SIRPA: variants seen among roughly 807,000 people sequenced by gnomAD.
The protein encoded by SIRPA is tyrosine-protein phosphatase non-receptor type substrate 1.
In SIRPA, 9 loss-of-function variants were observed where a neutral mutation model predicts 50.3. That is an observed-to-expected ratio of 0.18 (90% CI 0.11 to 0.31). The LOEUF is 0.31. Among genes scored for constraint, SIRPA ranks in the 10% least tolerant of loss-of-function variants. SIRPA has a pLI of 1.00. For synonymous variants in SIRPA, 265 were observed against 284.1 expected, an observed-to-expected ratio of 0.93 and a Z score of 0.68; for missense variants, 474 against 661.6, an observed-to-expected ratio of 0.72 and a Z score of 3.11.
rs776147774 is a variant in SIRPA at position 1,936,431 on chromosome 20, C to T, written c.1267-889C>T. ...CTGGCAGTAGACACTATTATCATCC[C>T]CTCTTTACAGATGGAGAAACTGAGG... On this transcript the variant is annotated intron_variant, in intron 7 of 7. Coordinates refer to ENST00000358771, the MANE Select transcript of SIRPA (RefSeq NM_001040023.2). This position sits in a 1 kb window ranked among gnomAD's most constrained non-coding sequence, Gnocchi z 4.2. Among the ~76,000 whole-genome samples, 1 of 152,178 alleles carries T rather than the reference C, an allele frequency of 6.6e-6. No homozygotes were observed. Among genetic ancestry groups the T allele is most frequent in the Non-Finnish European group, 1.5e-5 (1 of 68,032 alleles).
chr20:1,905,828 C>T (rs949400030), intron 1 of SIRPA, among the ~76,000 whole-genome samples: 1 of 152,244 alleles, frequency 6.6e-6, no homozygotes, highest in African/African-American at 2.4e-5. Context: ...TTCATCACCT[C>T]CAGGTTTCAT....
intron 2 of SIRPA, among the ~76,000 whole-genome samples, chr20:1,916,299 G>T (rs1985291078): frequency 6.6e-6 from 1 of 152,192 alleles, no homozygotes; most frequent in Admixed American, 6.5e-5. Context: ...AGGACCCTCA[G>T]ACCATCCAGC....
intron 1 of SIRPA, among the ~76,000 whole-genome samples, chr20:1,906,147 A>G (rs745440556): frequency 6.6e-6 from 1 of 152,114 alleles, no homozygotes; most frequent in Non-Finnish European, 1.5e-5. Context: ...TATCATCATC[A>G]TCATCATCAG....
In SIRPA at chr20:1,938,280, C is replaced by T. The variant is rs1159055229; in HGVS notation, c.*712C>T. 1 of 152,826 alleles carries T rather than the reference C, an allele frequency of 6.5e-6. No homozygotes were observed. Among genetic ancestry groups the T allele is most frequent in the East Asian group, 1.9e-4 (1 of 5,198 alleles). The allele number at this position is 152,826 out of a possible 1,614,324, so 9.5% of individuals were successfully genotyped here. On this transcript the variant is annotated 3_prime_UTR_variant, in exon 8 of 8. Coordinates refer to ENST00000358771, the MANE Select transcript of SIRPA (RefSeq NM_001040023.2). ...CTGGGGCCCAACTGTGTTGCTCCAC[C>T]CGGACCCATCTCTCCCTTCTAGACC...
intron 1 of SIRPA, among the ~76,000 whole-genome samples, chr20:1,906,955 A>AG (rs1984585660): frequency 6.6e-6 from 1 of 152,080 alleles, no homozygotes; most frequent in Admixed American, 6.5e-5. Context: ...CTGGGGAGGG[A>AG]GGGGGCTGCA....
At chr20:1,935,896 C>T (rs556770229) in intron 7 of SIRPA, among the ~76,000 whole-genome samples, 27 of 152,278 alleles carry the variant, frequency 1.8e-4, no homozygotes, top group Admixed American at 5.2e-4. Flanking sequence ...AATGAGAGCA[C>T]GCAGGGCTCA....
At chr20:1,901,344 T>C (rs1984196526) in intron 1 of SIRPA, among the ~76,000 whole-genome samples, 1 of 151,962 alleles carries the variant, frequency 6.6e-6, no homozygotes, top group South Asian at 2.1e-4. Flanking sequence ...CTAATTTTTG[T>C]GTTTTTAGTA....
At chr20:1,931,412 C>T (rs925896930) in intron 6 of SIRPA, among the ~76,000 whole-genome samples, 1 of 140,114 alleles carries the variant, frequency 7.1e-6, no homozygotes, top group African/African-American at 2.5e-5. Flanking sequence ...AAGCTAGTGC[C>T]TTCATCACTG....
In SIRPA at chr20:1,934,455, A is replaced by T. The variant is rs565541872; in HGVS notation, c.1227-260A>T. Reference sequence around the variant, plus strand: ...CAGTTCATTTCACCATAGCTTCCCCAGCACCAAGTATTATAATTTTTAAAG... The same window carrying T: ...CAGTTCATTTCACCATAGCTTCCCCTGCACCAAGTATTATAATTTTTAAAG... On this transcript the variant is annotated intron_variant, in intron 6 of 7. Transcript: ENST00000358771. The surrounding 1 kb of genome is among the most constrained non-coding windows in gnomAD (Gnocchi z 4.6). 6.6e-6 allele frequency among the ~76,000 whole-genome samples: 1 copy of T among 152,196 alleles called. No individual in the cohort carries two copies. Among genetic ancestry groups the T allele is most frequent in the Admixed American group, 6.5e-5 (1 of 15,288 alleles).
chr20:1,916,351 A>G (rs1336614903), intron 2 of SIRPA, among the ~76,000 whole-genome samples: 1 of 152,230 alleles, frequency 6.6e-6, no homozygotes, highest in Non-Finnish European at 1.5e-5. Flanking sequence ...TCAGGAGATG[A>G]CAGGGGCCTT....
At chr20:1,895,235 C>G, upstream of SIRPA, 1 of 423,854 alleles carries the variant, frequency 2.4e-6, no homozygotes, top group Admixed American at 4.7e-5. Context: ...TCCCAGTCTC[C>G]GTCTCTCCAT....
At position 1,928,426 on chromosome 20, in the gene SIRPA, G is replaced by C. The variant is rs1442880304; in HGVS notation, c.1226+527G>C. On this transcript the variant is annotated intron_variant, in intron 6 of 7. Coordinates refer to ENST00000358771, the MANE Select transcript of SIRPA (RefSeq NM_001040023.2). This position sits in a 1 kb window ranked among gnomAD's most constrained non-coding sequence, Gnocchi z 4.9. The stretch of plus-strand genomic sequence containing the variant: ...GTCACCGATGGCACTTTAGTTTGTT[G>C]ATTCACATTTTTAGTGACTTGAGTC... Among the ~76,000 whole-genome samples the C allele has an allele frequency of 6.6e-6, 1 of 152,156 alleles. No individual in the cohort carries two copies. The highest frequency in any genetic ancestry group is 2.4e-5 in the African/African-American group (1 of 41,446).
chr20:1,915,522 T>G, intron 2 of SIRPA, 67 bp downstream of exon 2: 1 of 1,559,068 alleles, frequency 6.4e-7, no homozygotes, highest in East Asian at 2.2e-5. Context: ...CACCCTCCAT[T>G]CTTTGAGCAA....
chr20:1,903,028 A>AAG (rs1555768869), intron 1 of SIRPA, among the ~76,000 whole-genome samples: 5,012 of 118,204 alleles, frequency 0.042, 110 homozygotes, highest in Non-Finnish European at 0.061. Flanking sequence ...AAAAAAAAAA[A>AAG]AAAAGAAAAG....
chr20:1,901,434 G>A (rs1195922440), intron 1 of SIRPA, among the ~76,000 whole-genome samples: 1 of 152,070 alleles, frequency 6.6e-6, no homozygotes, highest in Non-Finnish European at 1.5e-5. Context: ...GCCTCCCAAA[G>A]TGCTGGGATT....
chr20:1,904,857 C>A lies in SIRPA; in HGVS notation c.79+9331C>A, dbSNP rs571831276. On this transcript the variant is annotated intron_variant, in intron 1 of 7. Transcript: ENST00000358771. ...CTCCTGGCCCTTTGTCCTGATGACT[C>A]CACAGACTCCTCTGGGAGGAGAGGC... 3.3e-5 allele frequency among the ~76,000 whole-genome samples: 5 copies of A among 152,174 alleles called. No homozygotes were observed. The South Asian group carries it at 1.0e-3, about 32-fold the overall frequency.
intron 2 of SIRPA, among the ~76,000 whole-genome samples, chr20:1,920,987 C>T (rs1005281171): frequency 1.3e-5 from 2 of 152,234 alleles, no homozygotes; most frequent in Admixed American, 1.3e-4. Context: ...CACGTTGCTG[C>T]TTACTCCCTG....
At chr20:1,920,698 TG>T (rs1467017967) in intron 2 of SIRPA, among the ~76,000 whole-genome samples, 3 of 152,214 alleles carry the variant, frequency 2.0e-5, no homozygotes, top group Non-Finnish European at 4.4e-5. Flanking sequence ...GGAATATTTG[TG>T]GAGAAAATGA....
chr20:1,929,345 C>T (rs879637358), intron 6 of SIRPA, among the ~76,000 whole-genome samples: 4 of 151,896 alleles, frequency 2.6e-5, no homozygotes, highest in African/African-American at 4.8e-5. Context: ...GAGAAGTGCT[C>T]AGATTCTGGA....
Sources: gnomAD v4.1 joint callset for allele counts (sites outside exome capture counted in the v4.1 genomes callset) on GRCh38, gnomAD v4.1.1 for gene constraint, Gnocchi (gnomAD v3.1) non-coding constraint, MANE v1.5 for transcripts, NCBI Gene and HGNC (gene_info 2026-07-23, HGNC 2026-07-21) for gene names.